SGCZ: variants seen among roughly 807,000 people sequenced by gnomAD.
SGCZ encodes the protein zeta-sarcoglycan.
SGCZ carries 40 observed loss-of-function variants against 41.3 expected under a neutral mutation model. That is an observed-to-expected ratio of 0.97 (90% CI 0.75 to 1.26). The LOEUF (loss-of-function observed/expected upper bound fraction) is 1.26. Ranked by LOEUF, SGCZ falls within the 50% of genes most tolerant of loss-of-function variation. The probability of loss-of-function intolerance (pLI) is 0.00; values close to 1 mark genes in which losing one functional copy is unlikely to be tolerated. For missense variants in SGCZ, 552 were observed against 369.8 expected (o/e 1.49, Z -4.04); for synonymous variants, 206 against 137.5 (o/e 1.50, Z -3.49).
intron 2 of SGCZ, among the ~76,000 whole-genome samples, chr8:14,542,753 T>C (rs1260440269): frequency 3.9e-5 from 6 of 152,076 alleles, no homozygotes; most frequent in African/African-American, 1.4e-4. Flanking sequence ...TTATTTGCAT[T>C]ATTTTGGGTT....
intron 1 of SGCZ, among the ~76,000 whole-genome samples, chr8:14,964,923 T>C (rs1448284215): frequency 2.6e-5 from 4 of 152,118 alleles, no homozygotes; most frequent in African/African-American, 9.7e-5. Flanking sequence ...TGACTGAACC[T>C]GGTGAACCCT....
Position 14,854,989 on chromosome 8 carries a change from T to G in SGCZ, c.40-300063A>C, listed in dbSNP as rs182604280. Among the ~76,000 whole-genome samples the G allele has an allele frequency of 4.1e-3, 623 of 151,424 alleles. 4 individuals carry two copies. The highest frequency in any genetic ancestry group is 0.018 in the South Asian group (87 of 4,754). ...ATCCCGCTCCCGACTTTATCTGGTATGCTCTCCCACCTCCCTCAAGATCTA... is the reference window on the plus strand; with the variant it reads ...ATCCCGCTCCCGACTTTATCTGGTAGGCTCTCCCACCTCCCTCAAGATCTA... On this transcript the variant is annotated intron_variant, in intron 1 of 7. Coordinates refer to ENST00000382080, the MANE Select transcript of SGCZ (RefSeq NM_139167.4).
At chr8:14,236,260 T>C (rs571373295) in intron 4 of SGCZ, among the ~76,000 whole-genome samples, 2 of 152,324 alleles carry the variant, frequency 1.3e-5, no homozygotes, top group South Asian at 2.1e-4. Context: ...ATCCATTTGC[T>C]AATAGCACCC....
chr8:14,838,650 T>C (rs1401384088), intron 1 of SGCZ, among the ~76,000 whole-genome samples: 1 of 152,196 alleles, frequency 6.6e-6, no homozygotes, highest in Non-Finnish European at 1.5e-5. Context: ...CTGGCTACTT[T>C]TGCCTTCCTT....
At chr8:14,617,310 A>T (rs1162799066) in intron 1 of SGCZ, among the ~76,000 whole-genome samples, 1 of 152,194 alleles carries the variant, frequency 6.6e-6, no homozygotes, top group Non-Finnish European at 1.5e-5. Flanking sequence ...TGATTTGATA[A>T]TATGTGCAAC....
intron 1 of SGCZ, among the ~76,000 whole-genome samples, chr8:14,851,379 A>AG: frequency 7.1e-6 from 1 of 141,236 alleles, no homozygotes; most frequent in East Asian, 2.1e-4. Context: ...AAAAAAAAAA[A>AG]AAAAAAAAAA....
At chr8:15,020,388 A>G (rs929249580) in intron 1 of SGCZ, among the ~76,000 whole-genome samples, 64 of 152,160 alleles carry the variant, frequency 4.2e-4, no homozygotes, top group African/African-American at 1.5e-3. Flanking sequence ...GTGCAGCTGA[A>G]TCTCCCACAC....
At chr8:15,047,992 G>C (rs1454595) in intron 1 of SGCZ, among the ~76,000 whole-genome samples, 151,418 of 152,116 alleles carry the variant, frequency 1, 75,366 homozygotes, top group Middle Eastern at 1. Flanking sequence ...GGATATATAT[G>C]CAATGAAAGT....
intron 4 of SGCZ, among the ~76,000 whole-genome samples, chr8:14,176,407 T>A (rs1420540082): frequency 6.6e-6 from 1 of 152,214 alleles, no homozygotes; most frequent in Non-Finnish European, 1.5e-5. Flanking sequence ...AAATAAGCCA[T>A]GAGCCAAATT....
chr8:15,199,733 G>A (rs1411961357), intron 1 of SGCZ, among the ~76,000 whole-genome samples: 1 of 152,086 alleles, frequency 6.6e-6, no homozygotes, highest in Non-Finnish European at 1.5e-5. Flanking sequence ...ATTGGCTAGG[G>A]AAACAAAGGA....
intron 1 of SGCZ, among the ~76,000 whole-genome samples, chr8:14,839,714 T>A (rs1326305610): frequency 6.6e-6 from 1 of 152,160 alleles, no homozygotes; most frequent in Non-Finnish European, 1.5e-5. Context: ...CAATCACATT[T>A]TGAAAGTTAT....
At chr8:14,456,914 G>A (rs1353663947) in intron 2 of SGCZ, among the ~76,000 whole-genome samples, 2 of 152,010 alleles carry the variant, frequency 1.3e-5, no homozygotes, top group African/African-American at 4.8e-5. Flanking sequence ...TCTCTCTCTT[G>A]CTTTTTCAGT....
intron 1 of SGCZ, among the ~76,000 whole-genome samples, chr8:15,047,638 T>C (rs865850814): frequency 6.6e-6 from 1 of 152,176 alleles, no homozygotes; most frequent in Non-Finnish European, 1.5e-5. Context: ...AAGGATCTCA[T>C]AATCTATGCT....
At chr8:15,172,160 T>TTTG (rs1554471130) in intron 1 of SGCZ, among the ~76,000 whole-genome samples, 3 of 104,992 alleles carry the variant, frequency 2.9e-5, no homozygotes, top group Non-Finnish European at 4.0e-5. Context: ...CTCTGTTTTT[T>TTTG]TTTTTTTTTT....
intron 3 of SGCZ, among the ~76,000 whole-genome samples, chr8:14,245,761 A>G (rs1158803756): frequency 6.6e-6 from 1 of 152,180 alleles, no homozygotes; most frequent in East Asian, 1.9e-4. Flanking sequence ...AAAACCACAA[A>G]CAACCCCATC....
At chr8:14,374,131 A>T (rs1174759347) in intron 2 of SGCZ, among the ~76,000 whole-genome samples, 3 of 152,206 alleles carry the variant, frequency 2.0e-5, no homozygotes, top group African/African-American at 7.2e-5. Flanking sequence ...TAATCCCGGC[A>T]CTTTGGAAGG....
At chr8:14,886,012 T>TATATAA (rs1804785374) in intron 1 of SGCZ, among the ~76,000 whole-genome samples, 2 of 121,226 alleles carry the variant, frequency 1.6e-5, no homozygotes, top group Non-Finnish European at 3.5e-5. Context: ...TATATATATA[T>TATATAA]ATATATATAT....
intron 1 of SGCZ, among the ~76,000 whole-genome samples, chr8:15,221,017 G>T (rs1156511426): frequency 6.6e-6 from 1 of 152,094 alleles, no homozygotes; most frequent in Non-Finnish European, 1.5e-5. Context: ...CGGTCGTCGG[G>T]TAGGGTATAG....
intron 4 of SGCZ, among the ~76,000 whole-genome samples, chr8:14,221,124 T>C (rs1806178903): frequency 6.6e-6 from 1 of 152,220 alleles, no homozygotes; most frequent in African/African-American, 2.4e-5. Flanking sequence ...AAATCACTCC[T>C]ACATATTCAA....
Sources: gnomAD v4.1 joint callset for allele counts (sites outside exome capture counted in the v4.1 genomes callset) on GRCh38, gnomAD v4.1.1 for gene constraint, MANE v1.5 for transcripts, NCBI Gene and HGNC (gene_info 2026-07-23, HGNC 2026-07-21) for gene names.